PTH2R: variants seen among roughly 807,000 people sequenced by gnomAD.
PTH2R encodes PTH2 receptor.
PTH2R carries 59 observed loss-of-function variants against 60.3 expected under a neutral mutation model. That is an observed-to-expected ratio of 0.98 (90% confidence interval 0.79 to 1.22). The LOEUF (loss-of-function observed/expected upper bound fraction) is 1.22. Ranked by LOEUF, PTH2R falls within the 50% of genes most tolerant of loss-of-function variation. PTH2R has a pLI of 0.00. For missense variants in PTH2R, 749 were observed against 682.6 expected, an observed-to-expected ratio of 1.10 and a Z score of -1.08; for synonymous variants, 256 against 243.8, an observed-to-expected ratio of 1.05 and a Z score of -0.47.
At chr2:208,460,190 G>A (rs1326069178) in intron 9 of PTH2R, among the ~76,000 whole-genome samples, 2 of 152,000 alleles carry the variant, frequency 1.3e-5, no homozygotes, top group Non-Finnish European at 2.9e-5. Context: ...GGTCAATTCC[G>A]AGACTTCAAA....
intron 4 of PTH2R, among the ~76,000 whole-genome samples, chr2:208,438,810 G>T (rs973805866): frequency 2.6e-5 from 4 of 152,148 alleles, no homozygotes; most frequent in African/African-American, 9.7e-5. Flanking sequence ...GAAGTAGTGA[G>T]TTGAAGGTTT....
Position 208,366,912 on chromosome 2 carries a change from G to A in PTH2R, c.-259+6675G>A, listed in dbSNP as rs947657913. Among the ~76,000 whole-genome samples, 8 of 152,088 alleles carry A rather than the reference G, an allele frequency of 5.3e-5. No individual in the cohort carries two copies. The East Asian group carries it at 1.5e-3, about 29-fold the overall frequency. On this transcript the variant is annotated intron_variant, in intron 1 of 12. Coordinates refer to the PTH2R transcript ENST00000617735. Reference sequence around the variant, plus strand: ...ACTGTTTGAACTGTATTCAAATAAGGGAAATGCTCAGCTGTAACCAAGCCA... The same window carrying A: ...ACTGTTTGAACTGTATTCAAATAAGAGAAATGCTCAGCTGTAACCAAGCCA...
At chr2:208,445,103 G>A (rs753098949) in intron 7 of PTH2R, among the ~76,000 whole-genome samples, 6 of 152,136 alleles carry the variant, frequency 3.9e-5, no homozygotes, top group Non-Finnish European at 8.8e-5. Flanking sequence ...GTTATTTGTG[G>A]ATAGTGTTCT....
intron 1 of PTH2R, among the ~76,000 whole-genome samples, chr2:208,392,233 G>A (rs1701121001): frequency 6.6e-6 from 1 of 152,184 alleles, no homozygotes; most frequent in Non-Finnish European, 1.5e-5. Flanking sequence ...TATTAATGAG[G>A]TGAAGGTCCT....
intron 1 of PTH2R, among the ~76,000 whole-genome samples, chr2:208,421,553 A>G (rs1234485296): frequency 2.0e-5 from 3 of 152,168 alleles, no homozygotes; most frequent in African/African-American, 4.8e-5. Flanking sequence ...TCTCAAAACT[A>G]TAATGTTTAT....
At chr2:208,489,186 T>TTTGCAG in intron 11 of PTH2R, 36 bp downstream of exon 11, 1 of 1,611,414 alleles carries the variant, frequency 6.2e-7, no homozygotes, top group Non-Finnish European at 8.5e-7. Flanking sequence ...ATTCTTGTAA[T>TTTGCAG]TTGCAGTTTT....
At chr2:208,416,166 T>C (rs1701637110) in intron 1 of PTH2R, among the ~76,000 whole-genome samples, 1 of 152,132 alleles carries the variant, frequency 6.6e-6, no homozygotes, top group Admixed American at 6.5e-5. Context: ...TGGGAGAACA[T>C]TTTCAAAGAA....
rs759183539 is a variant in PTH2R at position 208,424,243 on chromosome 2, T to TTTTC, written c.76-3955_76-3954insCTTT. Among the ~76,000 whole-genome samples, 463 of 152,226 alleles carry TTTTC rather than the reference T, an allele frequency of 3.0e-3. 1 individual carries two copies. The highest frequency in any genetic ancestry group is 5.7e-3 in the Non-Finnish European group (387 of 68,012). On this transcript the variant is annotated intron_variant, in intron 1 of 12. Transcript: ENST00000272847. ...TGTTTCAGGCCAGTGAGAGGGAATG[T>TTTTC]TTTAGTTCTTTACTTTGCTCTTAAA...
chr2:208,407,745 A>G (rs528768873), intron 1 of PTH2R, among the ~76,000 whole-genome samples: 1 of 152,256 alleles, frequency 6.6e-6, no homozygotes, highest in South Asian at 2.1e-4. Flanking sequence ...CACAATTCAT[A>G]CGCACTTTTT....
intron 6 of PTH2R, 52 bp downstream of exon 6, chr2:208,443,589 T>G (rs1702231990): frequency 6.9e-7 from 1 of 1,444,650 alleles, no homozygotes. Flanking sequence ...ACACTACAAA[T>G]AAGTACAATT....
intron 7 of PTH2R, among the ~76,000 whole-genome samples, chr2:208,447,859 A>T (rs1702321266): frequency 6.6e-6 from 1 of 152,058 alleles, no homozygotes; most frequent in African/African-American, 2.4e-5. Context: ...TTTCCCATAA[A>T]TAAGGTGCTT....
intron 10 of PTH2R, among the ~76,000 whole-genome samples, chr2:208,482,158 C>T (rs1255640287): frequency 6.6e-6 from 1 of 152,192 alleles, no homozygotes; most frequent in African/African-American, 2.4e-5. Context: ...GCATTTTGAT[C>T]TTCTCTCACA....
chr2:208,361,017 C>T, intron 1 of PTH2R: 1 of 221,882 alleles, frequency 4.5e-6, no homozygotes, highest in Non-Finnish European at 9.6e-6. Flanking sequence ...ACTTGCACAC[C>T]CACCAGTTAT....
At chr2:208,489,229 T>A in intron 11 of PTH2R, 79 bp downstream of exon 11, 1 of 1,560,518 alleles carries the variant, frequency 6.4e-7, no homozygotes. Flanking sequence ...CCTTTTTCTC[T>A]GCACTCTCTC....
At chr2:208,409,667 T>G (rs1701499887) in intron 1 of PTH2R, among the ~76,000 whole-genome samples, 1 of 152,140 alleles carries the variant, frequency 6.6e-6, no homozygotes, top group Non-Finnish European at 1.5e-5. Flanking sequence ...ATAGATGATA[T>G]AGACCAGTGC....
At chr2:208,454,814 A>T (rs1702477941) in intron 8 of PTH2R, among the ~76,000 whole-genome samples, 1 of 152,152 alleles carries the variant, frequency 6.6e-6, no homozygotes, top group African/African-American at 2.4e-5. Context: ...ATCTCCTGGG[A>T]ACTTTATTTA....
intron 1 of PTH2R, among the ~76,000 whole-genome samples, chr2:208,379,956 G>C (rs940367423): frequency 6.6e-6 from 1 of 151,918 alleles, no homozygotes; most frequent in Non-Finnish European, 1.5e-5. Flanking sequence ...CAAAGGCTCA[G>C]AATCATCCCA....
chr2:208,406,071 G>A (rs1235802622), upstream of PTH2R, among the ~76,000 whole-genome samples: 1 of 152,138 alleles, frequency 6.6e-6, no homozygotes, highest in Non-Finnish European at 1.5e-5. Context: ...TACAATTGAG[G>A]AGATTAAGAC....
intron 2 of PTH2R, 53 bp downstream of exon 2, chr2:208,428,356 A>G: frequency 7.9e-7 from 1 of 1,258,576 alleles, no homozygotes. Context: ...TGTTCTTATA[A>G]AGATTGCACA....
Sources: gnomAD v4.1 joint callset for allele counts (sites outside exome capture counted in the v4.1 genomes callset) on GRCh38, gnomAD v4.1.1 for gene constraint, MANE v1.5 for transcripts, NCBI Gene and HGNC (gene_info 2026-07-23, HGNC 2026-07-21) for gene names.